Variants in NGF observed in about 807,000 individuals in gnomAD.
NGF encodes nerve growth factor, also known as beta-nerve growth factor.
Under a neutral mutation model 12.8 loss-of-function variants are expected in NGF, and 4 were observed. That is an observed-to-expected ratio of 0.31 (90% CI 0.15 to 0.72). NGF has a LOEUF of 0.72. NGF is among the 30% of genes least tolerant of loss of function. The probability of loss-of-function intolerance (pLI) is 0.69; values close to 1 mark genes in which losing one functional copy is unlikely to be tolerated. For missense variants in NGF, 283 were observed against 330.8 expected (o/e 0.86, Z 1.12); for synonymous variants, 140 against 130.0 (o/e 1.08, Z -0.52).
At chr1:115,303,350 G>C (rs74551107) in intron 1 of NGF, among the ~76,000 whole-genome samples, 7,184 of 152,140 alleles carry the variant, frequency 0.047, 328 homozygotes, top group East Asian at 0.1. Context: ...GATCCATAGA[G>C]CATGGCAGCA....
At chr1:115,325,945 A>T (rs746085456) in intron 1 of NGF, among the ~76,000 whole-genome samples, 10 of 152,176 alleles carry the variant, frequency 6.6e-5, no homozygotes, top group Non-Finnish European at 1.3e-4. Context: ...GGGTTAAAAA[A>T]AATTCTAAAT....
intron 1 of NGF, among the ~76,000 whole-genome samples, chr1:115,308,554 A>G (rs1052776057): frequency 3.9e-5 from 6 of 152,220 alleles, no homozygotes; most frequent in Non-Finnish European, 7.3e-5. Flanking sequence ...ATGATATTCA[A>G]CTAAAAAAAA....
In NGF at chr1:115,337,267, G is replaced by GTTTGTTTGTTTTTTTTTTTTT; in HGVS notation, c.-137+936_-137+937insAAAAAAAAAAAAACAAACAAA. ...TCGAAATTTTTTTTGTTTTGTTTTT[G>GTTTGTTTGTTTTTTTTTTTTT]TTTTTTTTTTTTTTTTTTTTTTTTT... is the stretch of plus-strand genomic sequence containing the variant. On this transcript the variant is annotated intron_variant, in intron 1 of 2. Transcript: ENST00000369512. Among the ~76,000 whole-genome samples the GTTTGTTTGTTTTTTTTTTTTT allele has an allele frequency of 2.8e-4, 23 of 81,030 alleles. 1 individual carries two copies. The highest frequency in any genetic ancestry group is 1.0e-3 in the African/African-American group (19 of 18,894). The allele number at this position is 81,030 out of a possible 152,430, so 53.2% of individuals were successfully genotyped here.
intron 1 of NGF, among the ~76,000 whole-genome samples, chr1:115,337,475 A>G (rs1382566145): frequency 6.6e-6 from 1 of 151,468 alleles, no homozygotes; most frequent in African/African-American, 2.4e-5. Flanking sequence ...CTGGCAGCAG[A>G]CAGCTGGAGA....
rs763370576 is a variant in NGF at position 115,286,029 on chromosome 1, G to T, written c.*41C>A. 4 of 1,608,296 alleles carry T rather than the reference G, an allele frequency of 2.5e-6. No individual in the cohort carries two copies. The East Asian group carries it at 8.9e-5, about 36-fold the overall frequency. ...CAGGTTGAGGTAGGGAGGGGCCCAG[G>T]AGAGTGTAGAAGGGGCAGGGGGAGG... On this transcript the variant is annotated 3_prime_UTR_variant, in exon 3 of 3. Coordinates refer to ENST00000369512, the MANE Select transcript of NGF (RefSeq NM_002506.3).
intron 1 of NGF, among the ~76,000 whole-genome samples, chr1:115,324,862 G>T (rs1654731158): frequency 6.6e-6 from 1 of 152,082 alleles, no homozygotes; most frequent in East Asian, 1.9e-4. Flanking sequence ...ATTATTTGTT[G>T]AATTACTCAT....
At chr1:115,321,098 G>A (rs755596519) in intron 1 of NGF, among the ~76,000 whole-genome samples, 11 of 152,178 alleles carry the variant, frequency 7.2e-5, no homozygotes, top group Non-Finnish European at 1.5e-4. Context: ...TGCCCACTAA[G>A]ATGCAGTATG....
intron 1 of NGF, among the ~76,000 whole-genome samples, chr1:115,328,149 G>T (rs2101053294): frequency 7.9e-6 from 1 of 126,866 alleles, no homozygotes; most frequent in South Asian, 2.5e-4. Flanking sequence ...GGGGCCCAGT[G>T]GGAGGGCATT....
intron 1 of NGF, among the ~76,000 whole-genome samples, chr1:115,310,801 G>A (rs1654316403): frequency 6.8e-6 from 1 of 146,726 alleles, no homozygotes; most frequent in African/African-American, 2.5e-5. Flanking sequence ...AGAAAAATAG[G>A]AAAGAATCCA....
At chr1:115,288,178 C>T (rs959969144) in intron 2 of NGF, among the ~76,000 whole-genome samples, 2 of 152,086 alleles carry the variant, frequency 1.3e-5, no homozygotes, top group African/African-American at 2.4e-5. Context: ...TTCAGAATAG[C>T]GTAATTGTAT....
intron 1 of NGF, among the ~76,000 whole-genome samples, chr1:115,337,479 C>G (rs1226326835): frequency 6.6e-6 from 1 of 151,898 alleles, no homozygotes; most frequent in Non-Finnish European, 1.5e-5. Context: ...CAGCAGACAG[C>G]TGGAGATGAA....
At chr1:115,335,038 T>C (rs1031083081) in intron 1 of NGF, among the ~76,000 whole-genome samples, 4 of 152,202 alleles carry the variant, frequency 2.6e-5, no homozygotes, top group Non-Finnish European at 5.9e-5. Flanking sequence ...ATTCCTACTG[T>C]GTCCTAGTCT....
intron 1 of NGF, among the ~76,000 whole-genome samples, chr1:115,329,233 A>G (rs12026809): frequency 0.029 from 4,391 of 152,274 alleles, 119 homozygotes; most frequent in East Asian, 0.088. Context: ...CAGGCACAGA[A>G]CTTCATAGTA....
chr1:115,316,951 A>G (rs938758895), intron 1 of NGF, among the ~76,000 whole-genome samples: 5 of 152,136 alleles, frequency 3.3e-5, no homozygotes, highest in Admixed American at 2.0e-4. Context: ...CTACTCAGAG[A>G]TAATGAATAT....
chr1:115,297,629 T>C (rs1203577783), intron 1 of NGF, among the ~76,000 whole-genome samples: 1 of 152,212 alleles, frequency 6.6e-6, no homozygotes, highest in African/African-American at 2.4e-5. Flanking sequence ...TGATCGTTTT[T>C]CAAGGACTAA....
At chr1:115,337,511 G>A (rs17540656) in intron 1 of NGF, among the ~76,000 whole-genome samples, 63,968 of 151,632 alleles carry the variant, frequency 0.42, 15,683 homozygotes, top group Non-Finnish European at 0.57. Context: ...AAGTGGCAGG[G>A]CTGAACCTTG....
intron 1 of NGF, among the ~76,000 whole-genome samples, chr1:115,321,676 C>G (rs1654632949): frequency 6.7e-6 from 1 of 149,220 alleles, no homozygotes; most frequent in Non-Finnish European, 1.5e-5. Flanking sequence ...GAGAAGAAAC[C>G]TTATAATAAA....
At chr1:115,290,888 G>A (rs1317619346) in intron 2 of NGF, among the ~76,000 whole-genome samples, 1 of 152,126 alleles carries the variant, frequency 6.6e-6, no homozygotes, top group Non-Finnish European at 1.5e-5. Context: ...CCTGCCTCCA[G>A]TGTTCCTTAA....
At chr1:115,303,560 T>A (rs61810757) in intron 1 of NGF, among the ~76,000 whole-genome samples, 1 of 151,744 alleles carries the variant, frequency 6.6e-6, no homozygotes, top group African/African-American at 2.4e-5. Context: ...ATCATCATCA[T>A]CACCATCCTC....
Sources: allele counts gnomAD v4.1 joint callset (sites outside exome capture counted in the v4.1 genomes callset), GRCh38; gene constraint gnomAD v4.1.1; transcripts MANE v1.5; gene names NCBI Gene and HGNC (gene_info 2026-07-23, HGNC 2026-07-21).